SRPK2: variants seen among roughly 807,000 people sequenced by gnomAD.
SRPK2 encodes the protein SRSF protein kinase 2, also known as SFRS protein kinase 2.
Under a neutral mutation model 90.8 loss-of-function variants are expected in SRPK2, and 21 were observed. That is an observed-to-expected ratio of 0.23 (90% CI 0.16 to 0.33). The LOEUF (loss-of-function observed/expected upper bound fraction) is 0.33. SRPK2 is among the 10% of genes least tolerant of loss of function. SRPK2 has a pLI of 1.00. For synonymous variants in SRPK2, 288 were observed against 311.1 expected (o/e 0.93, Z 0.78); for missense variants, 620 against 869.0 (o/e 0.71, Z 3.60).
At chr7:105,379,163 A>C (rs2132618197) in intron 2 of SRPK2, among the ~76,000 whole-genome samples, 1 of 146,954 alleles carries the variant, frequency 6.8e-6, no homozygotes, top group African/African-American at 2.7e-5. Flanking sequence ...AAAAATATAT[A>C]TATATATATA....
intron 2 of SRPK2, among the ~76,000 whole-genome samples, chr7:105,258,482 C>G (rs562744133): frequency 1.0e-3 from 152 of 149,812 alleles, no homozygotes; most frequent in African/African-American, 3.6e-3. Context: ...CAAAAAAACA[C>G]CAAGGTGATA....
At chr7:105,212,241 G>T (rs1247435356) in intron 2 of SRPK2, among the ~76,000 whole-genome samples, 1 of 152,210 alleles carries the variant, frequency 6.6e-6, no homozygotes, top group African/African-American at 2.4e-5. Context: ...GAGTCCAAAT[G>T]CATGTAAAAT....
chr7:105,285,466 A>T (rs1807967890), intron 2 of SRPK2, among the ~76,000 whole-genome samples: 1 of 152,144 alleles, frequency 6.6e-6, no homozygotes, highest in South Asian at 2.1e-4. Context: ...TTGACATTAA[A>T]ATATCAGGAT....
chr7:105,126,369 G>C, intron 14 of SRPK2, 29 bp from the exon 15 acceptor site: 1 of 1,521,560 alleles, frequency 6.6e-7, no homozygotes, highest in Non-Finnish European at 9.1e-7. Flanking sequence ...AAGGATATGG[G>C]AATGGGAGGG....
intron 2 of SRPK2, among the ~76,000 whole-genome samples, chr7:105,373,671 G>A (rs1014930749): frequency 2.0e-5 from 3 of 152,016 alleles, no homozygotes; most frequent in African/African-American, 7.2e-5. Context: ...CCAAAGTGCT[G>A]GGATTACAGA....
chr7:105,150,923 C>A (rs1286257352), intron 7 of SRPK2, among the ~76,000 whole-genome samples: 1 of 152,162 alleles, frequency 6.6e-6, no homozygotes, highest in Admixed American at 6.5e-5. Flanking sequence ...GTTGTCCTAT[C>A]TTTCCACCTT....
intron 2 of SRPK2, among the ~76,000 whole-genome samples, chr7:105,208,053 C>T (rs922224887): frequency 6.6e-6 from 1 of 152,114 alleles, no homozygotes; most frequent in Non-Finnish European, 1.5e-5. Flanking sequence ...AGATGCTCAA[C>T]ATCATTAGTA....
chr7:105,302,515 A>C (rs1810671097), intron 2 of SRPK2, among the ~76,000 whole-genome samples: 1 of 152,206 alleles, frequency 6.6e-6, no homozygotes, highest in Non-Finnish European at 1.5e-5. Context: ...TCTTATCTTA[A>C]ATAAAGTCTT....
At chr7:105,376,277 A>G (rs532936940) in intron 2 of SRPK2, among the ~76,000 whole-genome samples, 7 of 151,694 alleles carry the variant, frequency 4.6e-5, no homozygotes, top group South Asian at 2.1e-4. Context: ...GATTACAGGC[A>G]CAAATCACCA....
intron 3 of SRPK2, among the ~76,000 whole-genome samples, chr7:105,181,413 C>T (rs144414210): frequency 9.9e-5 from 15 of 152,256 alleles, no homozygotes; most frequent in African/African-American, 2.6e-4. Context: ...GACACACGCA[C>T]GCACGTGTAT....
chr7:105,293,318 T>G (rs1331702036), intron 2 of SRPK2, among the ~76,000 whole-genome samples: 1 of 152,114 alleles, frequency 6.6e-6, no homozygotes, highest in Non-Finnish European at 1.5e-5. Flanking sequence ...CCAGGCTCCT[T>G]TATATGATGG....
At chr7:105,388,766 A>C (rs770253747) in intron 1 of SRPK2, 25 bp downstream of exon 1, 38 of 1,526,568 alleles carry the variant, frequency 2.5e-5, no homozygotes, top group Non-Finnish European at 3.3e-5. Context: ...CGTGGCGGGG[A>C]GAGGGCGCGC....
chr7:105,350,738 T>TGAC (rs2132057363), intron 2 of SRPK2, among the ~76,000 whole-genome samples: 1 of 151,204 alleles, frequency 6.6e-6, no homozygotes, highest in South Asian at 2.1e-4. Flanking sequence ...GCCAGGCTGG[T>TGAC]CTCCAACTCC....
chr7:105,212,624 C>T (rs1399598477), intron 2 of SRPK2, among the ~76,000 whole-genome samples: 3 of 152,074 alleles, frequency 2.0e-5, no homozygotes, highest in African/African-American at 7.2e-5. Flanking sequence ...CAAGTAGTAG[C>T]CACTGAAATG....
chr7:105,133,246 G>T, intron 11 of SRPK2, 142 bp from the exon 12 acceptor site: 1 of 777,322 alleles, frequency 1.3e-6, no homozygotes, highest in Non-Finnish European at 2.1e-6. Context: ...AATTAAACTT[G>T]ACAGAACTAA....
chr7:105,294,633 T>G (rs1330414274), intron 2 of SRPK2, among the ~76,000 whole-genome samples: 1 of 152,158 alleles, frequency 6.6e-6, no homozygotes, highest in Non-Finnish European at 1.5e-5. Flanking sequence ...TTCGAGCAAT[T>G]CTCCTGCTCA....
At chr7:105,314,656 T>G (rs778022055) in intron 2 of SRPK2, among the ~76,000 whole-genome samples, 11 of 152,166 alleles carry the variant, frequency 7.2e-5, no homozygotes, top group South Asian at 2.1e-4. Context: ...AGTGCTGGGA[T>G]TGCAGGCGTT....
chr7:105,130,919 C>CA (rs1233141061), intron 13 of SRPK2, among the ~76,000 whole-genome samples: 1 of 152,074 alleles, frequency 6.6e-6, no homozygotes, highest in Non-Finnish European at 1.5e-5. Context: ...GGTGAGAAGA[C>CA]AGAAAGGCTT....
chr7:105,334,625 G>C (rs1357471318), intron 2 of SRPK2, among the ~76,000 whole-genome samples: 2 of 151,970 alleles, frequency 1.3e-5, no homozygotes, highest in African/African-American at 2.4e-5. Context: ...ATCACTTGAG[G>C]TCAGGAGTCC....
Sources: allele counts gnomAD v4.1 joint callset (sites outside exome capture counted in the v4.1 genomes callset), GRCh38; gene constraint gnomAD v4.1.1; transcripts MANE v1.5; gene names NCBI Gene and HGNC (gene_info 2026-07-23, HGNC 2026-07-21).